Variants in ABCC1 observed in about 807,000 individuals in gnomAD.
ABCC1 encodes multidrug resistance-associated protein 1.
Under a neutral mutation model 172.9 loss-of-function variants are expected in ABCC1, and 83 were observed. The ratio of observed to expected loss-of-function variants is 0.48; its 90% confidence interval spans 0.40 to 0.58. The LOEUF (loss-of-function observed/expected upper bound fraction) is 0.58, where lower values mean the gene tolerates loss of function less well. ABCC1 is among the 20% of genes least tolerant of loss of function. The pLI, the probability that ABCC1 is intolerant of heterozygous loss-of-function variation, is 0.00. For missense variants in ABCC1, 1,817 were observed against 2,002.7 expected (o/e 0.91, Z 1.77); for synonymous variants, 937 against 825.2 (o/e 1.14, Z -2.32).
At position 15,953,901 on chromosome 16, in the gene ABCC1, C is replaced by T. The variant is rs116361965; in HGVS notation, c.48+4102C>T. Among the ~76,000 whole-genome samples the T allele has an allele frequency of 2.8e-3, 428 of 152,146 alleles. 1 individual carries two copies. The highest frequency in any genetic ancestry group is 9.6e-3 in the African/African-American group (398 of 41,506). On this transcript the variant is annotated intron_variant, in intron 1 of 30. Coordinates refer to ENST00000399410, the MANE Select transcript of ABCC1 (RefSeq NM_004996.4). Reference sequence around the variant, plus strand: ...GGTTTAATTCTTCCCCTTGGCTCAACAGCAGTGTACGACGAGCCAATTTTT... The same window carrying T: ...GGTTTAATTCTTCCCCTTGGCTCAATAGCAGTGTACGACGAGCCAATTTTT...
At chr16:15,949,337 G>A (rs917543384), upstream of ABCC1, among the ~76,000 whole-genome samples, 1 of 152,028 alleles carries the variant, frequency 6.6e-6, no homozygotes, top group Non-Finnish European at 1.5e-5. Context: ...GTGGTCGCAG[G>A]GTGTGTGGCC....
chr16:16,013,401 G>T (rs2047870060), intron 3 of ABCC1, among the ~76,000 whole-genome samples: 1 of 151,818 alleles, frequency 6.6e-6, no homozygotes, highest in South Asian at 2.1e-4. Flanking sequence ...TTCCCAGCTA[G>T]CTGTGACTAA....
At chr16:16,009,188 G>C (rs963485605) in intron 2 of ABCC1, among the ~76,000 whole-genome samples, 2 of 151,946 alleles carry the variant, frequency 1.3e-5, no homozygotes, top group African/African-American at 4.8e-5. Context: ...CAAACTCCTG[G>C]CTTCCAGTGA....
chr16:16,125,873 G>A lies in ABCC1; in HGVS notation c.3781G>A (p.Val1261Met), dbSNP rs756405833. 18 of 1,613,966 alleles carry A rather than the reference G, an allele frequency of 1.1e-5. No homozygotes were observed. The highest frequency in any genetic ancestry group is 4.4e-5 in the South Asian group (4 of 91,074). ...SSEMETNIVA[V>M]ERLKEYSETE... is the part of the protein sequence containing the mutation. ...TGAAATGGAAACCAACATCGTGGCC[G>A]TGGAGAGGCTCAAGGAGTATTCAGA... The change falls in exon 26 of 31, where the codon GTG becomes ATG. Residue 1261 changes from valine (V) to methionine (M), a missense_variant. Physicochemically the swap from Val to Met is conservative, Grantham distance 21. Transcript: ENST00000399410.
At position 16,122,039 on chromosome 16, in the gene ABCC1, A is replaced by C. The variant is rs763439346; in HGVS notation, c.3455A>C (p.Tyr1152Ser). Residue 1152 changes from tyrosine to serine, a missense_variant, in exon 24 of 31, where the codon TAT (tyrosine) becomes TCT (serine). This residue lies in a region of ABCC1 where 1,412 missense variants were observed against 1,600.3 expected (regional missense o/e 0.88). Transcript: ENST00000399410. ...GAGTCGGTCAGCCGCTCCCCGGTCT[A>C]TTCCCATTTCAACGAGACCTTGCTG... is the stretch of plus-strand genomic sequence containing the variant. ...RLESVSRSPV[Y>S]SHFNETLLGV... 1.8e-5 allele frequency: 29 copies of C among 1,613,984 alleles called. No individual in the cohort carries two copies. Among genetic ancestry groups the C allele is most frequent in the Non-Finnish European group, 2.5e-5 (29 of 1,180,012 alleles).
At position 15,958,453 on chromosome 16, in the gene ABCC1, C is replaced by A. The variant is rs45584438; in HGVS notation, c.48+8654C>A. Among the ~76,000 whole-genome samples the A allele has an allele frequency of 1.8e-4, 28 of 152,258 alleles. No homozygotes were observed. In the East Asian group the frequency reaches 2.5e-3, roughly 14 times the overall value. ...GTGCTTCCTCACACCTGGTCTGCTT[C>A]TTGCATGGATGGAACCCACTTTGGC... On this transcript the variant is annotated intron_variant, in intron 1 of 30. Coordinates refer to ENST00000399410, the MANE Select transcript of ABCC1 (RefSeq NM_004996.4).
At chr16:16,071,486 A>G (rs1051831266) in intron 13 of ABCC1, among the ~76,000 whole-genome samples, 156 bp from the exon 14 acceptor site, 3 of 152,156 alleles carry the variant, frequency 2.0e-5, no homozygotes, top group Admixed American at 1.3e-4. Context: ...GTTTAATTCT[A>G]AAGTATACAC....
At chr16:16,099,130 T>C (rs2080382119) in intron 19 of ABCC1, among the ~76,000 whole-genome samples, 1 of 152,252 alleles carries the variant, frequency 6.6e-6, no homozygotes, top group Non-Finnish European at 1.5e-5. Flanking sequence ...TTATTGTCAC[T>C]GATGACCTTG....
chr16:16,023,834 T>C (rs2048278181), intron 5 of ABCC1, among the ~76,000 whole-genome samples: 1 of 151,444 alleles, frequency 6.6e-6, no homozygotes, highest in Non-Finnish European at 1.5e-5. Context: ...TGTTTGGAGG[T>C]GGTGGGGTGG....
chr16:16,068,005 T>A, intron 12 of ABCC1, 151 bp from the exon 13 acceptor site: 1 of 758,284 alleles, frequency 1.3e-6, no homozygotes, highest in East Asian at 2.7e-5. Context: ...ATGTGCCAGA[T>A]ACTGCCCCAG....
intron 17 of ABCC1, among the ~76,000 whole-genome samples, chr16:16,085,577 C>T (rs1246412299): frequency 1.3e-5 from 2 of 152,186 alleles, no homozygotes; most frequent in Non-Finnish European, 2.9e-5. Flanking sequence ...GTCAGGAGTT[C>T]GAGACCAGCC....
chr16:16,078,162 AAAAT>A (rs573201396), intron 15 of ABCC1, among the ~76,000 whole-genome samples: 3 of 152,342 alleles, frequency 2.0e-5, no homozygotes, highest in South Asian at 4.1e-4. Context: ...TTGTCTCAAA[AAAAT>A]AAATAAATAC....
intron 1 of ABCC1, among the ~76,000 whole-genome samples, chr16:15,993,114 T>C (rs1373687652): frequency 6.6e-6 from 1 of 152,216 alleles, no homozygotes; most frequent in Non-Finnish European, 1.5e-5. Flanking sequence ...AGCTTTCATC[T>C]TTGATGGACT....
At chr16:16,112,701 A>T (rs1307925110) in intron 22 of ABCC1, among the ~76,000 whole-genome samples, 2 of 152,224 alleles carry the variant, frequency 1.3e-5, no homozygotes, top group African/African-American at 2.4e-5. Flanking sequence ...CCACTGTGCT[A>T]CGCAGTATGT....
intron 1 of ABCC1, among the ~76,000 whole-genome samples, chr16:15,975,453 G>A (rs973426625): frequency 6.6e-6 from 1 of 152,102 alleles, no homozygotes; most frequent in Admixed American, 6.5e-5. Flanking sequence ...GGGTGAAAAT[G>A]GGGTATGCGT....
intron 26 of ABCC1, among the ~76,000 whole-genome samples, chr16:16,129,833 G>A (rs1010846415): frequency 1.3e-5 from 2 of 152,046 alleles, no homozygotes; most frequent in African/African-American, 4.8e-5. Flanking sequence ...CCACTGCGCC[G>A]GCAACGCTGT....
At position 16,007,806 on chromosome 16, in the gene ABCC1, G is replaced by A; in HGVS notation, c.49-10G>A. On this transcript the variant is annotated splice_polypyrimidine_tract_variant and intron_variant, in intron 1 of 30. Coordinates refer to ENST00000399410, the MANE Select transcript of ABCC1 (RefSeq NM_004996.4). ...TCCTGCTGACCCCTCGCCTGTGTTT[G>A]TGTTCGCAGGACTGGAATGTCACGT... The A allele has an allele frequency of 1.2e-6, 2 of 1,607,132 alleles. No homozygotes were observed. The highest frequency in any genetic ancestry group is 1.7e-6 in the Non-Finnish European group (2 of 1,176,658).
intron 1 of ABCC1, among the ~76,000 whole-genome samples, chr16:15,988,519 A>G (rs959972357): frequency 1.3e-5 from 2 of 152,178 alleles, no homozygotes; most frequent in Admixed American, 6.5e-5. Context: ...TAAGGGATTT[A>G]TTTGGTGAAA....
At chr16:16,124,216 G>A (rs148801274) in intron 24 of ABCC1, among the ~76,000 whole-genome samples, 30 of 152,214 alleles carry the variant, frequency 2.0e-4, no homozygotes, top group African/African-American at 6.5e-4. Flanking sequence ...CCAAAAGGCC[G>A]AGAAACGATG....
Sources: gnomAD v4.1 joint callset for allele counts (sites outside exome capture counted in the v4.1 genomes callset) on GRCh38, gnomAD v4.1.1 for gene constraint, gnomAD v4.1.1 regional missense constraint, MANE v1.5 for transcripts, NCBI Gene and HGNC (gene_info 2026-07-23, HGNC 2026-07-21) for gene names.